The following ZXDA variants were observed in gnomAD, a reference collection of about 807,000 sequenced individuals.
ZXDA encodes zinc finger X-linked duplicated A, also known as zinc finger X-linked protein ZXDA.
A neutral mutation model predicts 10.1 loss-of-function variants in ZXDA; 5 were observed. The observed-to-expected ratio is 0.50, with a 90% CI of 0.26 to 1.04. The LOEUF (loss-of-function observed/expected upper bound fraction) is 1.04, where lower values mean the gene tolerates loss of function less well. Among genes scored for constraint, ZXDA ranks in the 50% least tolerant of loss-of-function variants. The probability of loss-of-function intolerance (pLI) is 0.14; values close to 1 mark genes in which losing one functional copy is unlikely to be tolerated. For missense variants in ZXDA, 501 were observed against 672.4 expected (o/e 0.75, Z 2.82); for synonymous variants, 266 against 313.1 (o/e 0.85, Z 1.59).
Position 57,909,936 on chromosome X carries a change from G to C in ZXDA, c.485C>G (p.Ala162Gly), listed in dbSNP as rs1414111742. ...CTGGTTGTGGATAGTGACTGTGCCCGCGAAGGCCGCGGCGGGGCCGGGGGC... is the reference window on the plus strand; with the variant it reads ...CTGGTTGTGGATAGTGACTGTGCCCCCGAAGGCCGCGGCGGGGCCGGGGGC... ...ISAPGPAAAFAGTVTIHNQDL... is the reference protein window; with the variant it reads ...ISAPGPAAAFGGTVTIHNQDL... The change falls in exon 1 of 1, where the codon GCG becomes GGG. Residue 162 changes from alanine (A) to glycine (G), a missense_variant. This residue lies in a region of ZXDA where 251 missense variants were observed against 221.6 expected (regional missense o/e 1.13). Coordinates refer to ENST00000358697, the MANE Select transcript of ZXDA (RefSeq NM_007156.5). 4 of 1,175,055 alleles carry C rather than the reference G, an allele frequency of 3.4e-6. No homozygotes were observed. Among genetic ancestry groups the C allele is most frequent in the Middle Eastern group, 6.6e-4 (2 of 3,013 alleles).
In ZXDA at chrX:57,908,569, A is replaced by ATGCAGCAGAAGTACTGTCAGG; in HGVS notation, c.1831_1851dup (p.Pro611_Ala617dup). The stretch of plus-strand genomic sequence containing the variant: ...GAGTTCACCAATGCTGTGTCCAGCA[A>ATGCAGCAGAAGTACTGTCAGG]TGCAGCAGAAGTACTGTCAGGTACA... On this transcript the variant is annotated inframe_insertion, in exon 1 of 1. Coordinates refer to ENST00000358697, the MANE Select transcript of ZXDA (RefSeq NM_007156.5). 2 of 1,173,733 alleles carry ATGCAGCAGAAGTACTGTCAGG rather than the reference A, an allele frequency of 1.7e-6. No individual in the cohort carries two copies. Among genetic ancestry groups the ATGCAGCAGAAGTACTGTCAGG allele is most frequent in the Non-Finnish European group, 1.2e-6 (1 of 867,410 alleles).
Position 57,906,991 on chromosome X carries a change from T to A in ZXDA, c.*1030A>T, listed in dbSNP as rs1392775637. 2 of 112,452 alleles carry A rather than the reference T, an allele frequency of 1.8e-5. No homozygotes were observed. The highest frequency in any genetic ancestry group is 3.8e-5 in the Non-Finnish European group (2 of 53,233). 9.3% of individuals were successfully genotyped at this position (112,452 alleles called of 1,213,427 possible). On this transcript the variant is annotated 3_prime_UTR_variant, in exon 1 of 1. Coordinates refer to ENST00000358697, the MANE Select transcript of ZXDA (RefSeq NM_007156.5). ...TTGGAAGAATAGGCTGAATACTCAT[T>A]GCATGAGCTGGCTTTGAATGCAGAC... is the stretch of plus-strand genomic sequence containing the variant.
At position 57,906,308 on chromosome X, in the gene ZXDA, T is replaced by G. The variant is rs1603105982; in HGVS notation, c.*1713A>C. On this transcript the variant is annotated 3_prime_UTR_variant, in exon 1 of 1. Coordinates refer to ENST00000358697, the MANE Select transcript of ZXDA (RefSeq NM_007156.5). ...AACTACTTCTCACTAACACCTTATA[T>G]AAAATGTCTCCATTATTATCTGATT... is the stretch of plus-strand genomic sequence containing the variant. Among the ~76,000 whole-genome samples the G allele has an allele frequency of 8.9e-6, 1 of 112,255 alleles. No homozygotes were observed. The highest frequency in any genetic ancestry group is 3.2e-5 in the African/African-American group (1 of 30,906).
Position 57,907,698 on chromosome X carries a change from C to T in ZXDA, c.*323G>A, listed in dbSNP as rs756747540. 1 of 194,526 alleles carries T rather than the reference C, an allele frequency of 5.1e-6. No homozygotes were observed. The highest frequency in any genetic ancestry group is 2.0e-4 in the South Asian group (1 of 4,915). The allele number at this position is 194,526 out of a possible 1,213,427, so 16.0% of individuals were successfully genotyped here. A position where few individuals can be genotyped will look rare whatever the true frequency, so the allele number is the denominator to read the frequency against. On this transcript the variant is annotated 3_prime_UTR_variant, in exon 1 of 1. Coordinates refer to ENST00000358697, the MANE Select transcript of ZXDA (RefSeq NM_007156.5). Reference sequence around the variant, plus strand: ...ACAAACAATAATAATTGCAAAATGCCCGAAAATTTTCAAGAAAAAGCACAA... The same window carrying T: ...ACAAACAATAATAATTGCAAAATGCTCGAAAATTTTCAAGAAAAAGCACAA...
Position 57,906,187 on chromosome X carries a change from C to T in ZXDA, c.*1834G>A, listed in dbSNP as rs978702811. Reference sequence around the variant, plus strand: ...TTAAAGTGCCATAATAATTGTTATCCCCAAGTATCCACATGTAAACAATAC... The same window carrying T: ...TTAAAGTGCCATAATAATTGTTATCTCCAAGTATCCACATGTAAACAATAC... On this transcript the variant is annotated 3_prime_UTR_variant, in exon 1 of 1. Coordinates refer to ENST00000358697, the MANE Select transcript of ZXDA (RefSeq NM_007156.5). Among the ~76,000 whole-genome samples, 11 of 111,367 alleles carry T rather than the reference C, an allele frequency of 9.9e-5. No homozygotes were observed. Among genetic ancestry groups the T allele is most frequent in the African/African-American group, 3.3e-4 (10 of 30,612 alleles).
rs900793494 is a variant in ZXDA at position 57,907,123 on chromosome X, T to C, written c.*898A>G. On this transcript the variant is annotated 3_prime_UTR_variant, in exon 1 of 1. Coordinates refer to ENST00000358697, the MANE Select transcript of ZXDA (RefSeq NM_007156.5). ...GAAGAAATAACTTCCTTTTCCTCTTTCTTAACCTTCACAAATGTTTATTTC... is the reference window on the plus strand; with the variant it reads ...GAAGAAATAACTTCCTTTTCCTCTTCCTTAACCTTCACAAATGTTTATTTC... The C allele has an allele frequency of 1.8e-5, 2 of 113,121 alleles. No individual in the cohort carries two copies. The highest frequency in any genetic ancestry group is 3.2e-5 in the African/African-American group (1 of 31,039). 9.3% of individuals were successfully genotyped at this position (113,121 alleles called of 1,213,427 possible).
In ZXDA at chrX:57,907,756, G is replaced by C. The variant is rs777197973; in HGVS notation, c.*265C>G. 3.4e-5 allele frequency: 10 copies of C among 292,954 alleles called. No homozygotes were observed. The highest frequency in any genetic ancestry group is 4.3e-5 in the Non-Finnish European group (7 of 164,502). The allele number at this position is 292,954 out of a possible 1,213,427, so 24.1% of individuals were successfully genotyped here. A position where few individuals can be genotyped will look rare whatever the true frequency, so the allele number is the denominator to read the frequency against. On this transcript the variant is annotated 3_prime_UTR_variant, in exon 1 of 1. Coordinates refer to ENST00000358697, the MANE Select transcript of ZXDA (RefSeq NM_007156.5). ...AAACAAAACAAAACAAAACTGAAAA[G>C]ACCTTATGAGCAATGTGTTCAAACC...
chrX:57,910,193 C>G lies in ZXDA; in HGVS notation c.228G>C (p.Pro76=). The G allele has an allele frequency of 8.3e-7, 1 of 1,199,907 alleles. No homozygotes were observed. The stretch of plus-strand genomic sequence containing the variant: ...CGCCGCCGCTAGGTTGATGGGGCCT[C>G]GGCGCGAACAGGCTTGGGCCAGGGC... ...SRGPGPSLFA[P]RPHQPSGGGD... Residue 76 remains proline (P), a synonymous_variant, in exon 1 of 1, where the codon CCG becomes CCC. Coordinates refer to ENST00000358697, the MANE Select transcript of ZXDA (RefSeq NM_007156.5).
Position 57,909,197 on chromosome X carries a change from G to C in ZXDA, c.1224C>G (p.Ser408=), listed in dbSNP as rs770500127. The part of the protein sequence containing the change: ...KTFITVSALF[S]HNRAHFREQE... ...GTTCCCTGAAATGGGCGCGGTTATG[G>C]GAAAACAGAGCACTCACTGTGATAA... The change falls in exon 1 of 1, where the codon TCC becomes TCG. Residue 408 remains serine, a synonymous_variant. Transcript: ENST00000358697. The C allele has an allele frequency of 1.3e-5, 16 of 1,211,771 alleles. No individual in the cohort carries two copies. The highest frequency in any genetic ancestry group is 1.8e-5 in the Non-Finnish European group (16 of 895,496).
At position 57,909,408 on chromosome X, in the gene ZXDA, C is replaced by A. The variant is rs1224488998; in HGVS notation, c.1013G>T (p.Gly338Val). 8.3e-7 allele frequency: 1 copy of A among 1,211,892 alleles called. No homozygotes were observed. Among genetic ancestry groups the A allele is most frequent in the East Asian group, 3.0e-5 (1 of 33,782 alleles). The change falls in exon 1 of 1, where the codon GGC becomes GTC. Residue 338 changes from glycine (G) to valine (V), a missense_variant. By Grantham distance (109) the Gly-to-Val change is moderately radical. Coordinates refer to ENST00000358697, the MANE Select transcript of ZXDA (RefSeq NM_007156.5). ...RPFGCPAEGCGKSFTTVYNLK... is the reference protein window; with the variant it reads ...RPFGCPAEGCVKSFTTVYNLK... ...GTTGTACACGGTGGTGAAGCTCTTGCCACAGCCCTCCGCAGGGCAGCCGAA... is the reference window on the plus strand; with the variant it reads ...GTTGTACACGGTGGTGAAGCTCTTGACACAGCCCTCCGCAGGGCAGCCGAA...
chrX:57,910,228 C>T lies in ZXDA; in HGVS notation c.193G>A (p.Ala65Thr). The change falls in exon 1 of 1, where the codon GCA (alanine) becomes ACA (threonine). Residue 65 changes from alanine to threonine, a missense_variant. Around this residue, in one of 5 missense-constraint regions of ZXDA, gnomAD observed 251 missense variants for 221.6 expected, o/e 1.13. Transcript: ENST00000358697. The stretch of plus-strand genomic sequence containing the variant: ...AGGCTTGGGCCAGGGCCCCGTGATG[C>T]CGTGCTGGCCTCCTCGCGCCGCCGC... ...PGRRREEAST[A>T]SRGPGPSLFA... The T allele has an allele frequency of 8.6e-7, 1 of 1,161,527 alleles. No individual in the cohort carries two copies. Among genetic ancestry groups the T allele is most frequent in the South Asian group, 1.9e-5 (1 of 51,735 alleles).
rs1458234798 is a variant in ZXDA, at chrX:57,910,157, G to A, written c.264C>T (p.Phe88=). Residue 88 remains phenylalanine (F), a synonymous_variant, in exon 1 of 1, where the codon TTC becomes TTT. Transcript: ENST00000358697. ...CCACCGGGTCAAGCAGCACCAGGAA[G>A]AAGTCGTCGCCGCCGCCGCTAGGTT... ...PHQPSGGGDD[F]FLVLLDPVGG... is the part of the protein sequence containing the mutation. The A allele has an allele frequency of 8.3e-7, 1 of 1,202,203 alleles. No individual in the cohort carries two copies. Among genetic ancestry groups the A allele is most frequent in the Non-Finnish European group, 1.1e-6 (1 of 893,749 alleles).
Position 57,908,012 on chromosome X carries a change from A to G in ZXDA, c.*9T>C. 8.3e-7 allele frequency: 1 copy of G among 1,198,990 alleles called. No individual in the cohort carries two copies. Among genetic ancestry groups the G allele is most frequent in the African/African-American group, 1.7e-5 (1 of 57,540 alleles). ...GTTAGCCACATGGCAAGGAATGAAT[A>G]GAGTTGCTTCATACCAAAAATGAGC... is the stretch of plus-strand genomic sequence containing the variant. On this transcript the variant is annotated 3_prime_UTR_variant, in exon 1 of 1. Coordinates refer to ENST00000358697, the MANE Select transcript of ZXDA (RefSeq NM_007156.5).
In ZXDA at chrX:57,907,952, A is replaced by G. The variant is rs759682444; in HGVS notation, c.*69T>C. 1,479 of 1,124,985 alleles carry G rather than the reference A, an allele frequency of 1.3e-3. 1 individual carries two copies. The highest frequency in any genetic ancestry group is 1.6e-3 in the Non-Finnish European group (1,337 of 844,665). 92.7% of individuals were successfully genotyped at this position (1,124,985 alleles called of 1,213,427 possible). A position where few individuals can be genotyped will look rare whatever the true frequency, so the allele number is the denominator to read the frequency against. ...AAGAAATGACTGCACTTAAATATTT[A>G]GTCCAGAATATCCTCAAAATTGACT... is the stretch of plus-strand genomic sequence containing the variant. On this transcript the variant is annotated 3_prime_UTR_variant, in exon 1 of 1. Coordinates refer to ENST00000358697, the MANE Select transcript of ZXDA (RefSeq NM_007156.5).
In ZXDA at chrX:57,910,139, G is replaced by T; in HGVS notation, c.282C>A (p.Asp94Glu). 9 of 1,202,665 alleles carry T rather than the reference G, an allele frequency of 7.5e-6. No individual in the cohort carries two copies. The highest frequency in any genetic ancestry group is 8.9e-6 in the Non-Finnish European group (8 of 893,954). The change falls in exon 1 of 1, where the codon GAC becomes GAA. Residue 94 changes from aspartate to glutamate, a missense_variant. Around this residue, in one of 5 missense-constraint regions of ZXDA, gnomAD observed 251 missense variants for 221.6 expected, o/e 1.13. Coordinates refer to ENST00000358697, the MANE Select transcript of ZXDA (RefSeq NM_007156.5). ...CGGTCTCCACGTCGCCACCCACCGG[G>T]TCAAGCAGCACCAGGAAGAAGTCGT... ...GGDDFFLVLL[D>E]PVGGDVETAG... is the part of the protein sequence containing the mutation.
rs1241418913 is a variant in ZXDA at position 57,906,041 on chromosome X, A to G, written c.*1980T>C. Reference sequence around the variant, plus strand: ...GTTAAATGGTTAGACACAAAATTCTATTTCTTTGAATTACAAATTTATGTG... The same window carrying G: ...GTTAAATGGTTAGACACAAAATTCTGTTTCTTTGAATTACAAATTTATGTG... On this transcript the variant is annotated 3_prime_UTR_variant, in exon 1 of 1. Transcript: ENST00000358697. Among the ~76,000 whole-genome samples, 3 of 112,269 alleles carry G rather than the reference A, an allele frequency of 2.7e-5. No individual in the cohort carries two copies. Among genetic ancestry groups the G allele is most frequent in the Non-Finnish European group, 5.6e-5 (3 of 53,190 alleles).
In ZXDA at chrX:57,907,978, G is replaced by A; in HGVS notation, c.*43C>T. ...GTCCAGAATATCCTCAAAATTGACT[G>A]TAATAAAAGTTAGCCACATGGCAAG... is the stretch of plus-strand genomic sequence containing the variant. On this transcript the variant is annotated 3_prime_UTR_variant, in exon 1 of 1. Coordinates refer to ENST00000358697, the MANE Select transcript of ZXDA (RefSeq NM_007156.5). 2 of 1,167,182 alleles carry A rather than the reference G, an allele frequency of 1.7e-6. No individual in the cohort carries two copies. The highest frequency in any genetic ancestry group is 2.3e-6 in the Non-Finnish European group (2 of 874,672).
rs1057329 is a variant in ZXDA at position 57,909,134 on chromosome X, C to T, written c.1287G>A (p.Lys429=). ...LFSCSFPGCS[K]QYDKACRLKI... is the part of the protein sequence containing the mutation. Reference sequence around the variant, plus strand: ...TCAGCCTACAAGCCTTGTCATATTGCTTGCTGCAGCCAGGGAAAGAGCAGG... The same window carrying T: ...TCAGCCTACAAGCCTTGTCATATTGTTTGCTGCAGCCAGGGAAAGAGCAGG... Residue 429 remains lysine, a synonymous_variant, in exon 1 of 1, where the codon AAG becomes AAA. Transcript: ENST00000358697. 4.1e-5 allele frequency: 50 copies of T among 1,210,063 alleles called. No individual in the cohort carries two copies. Among genetic ancestry groups the T allele is most frequent in the Middle Eastern group, 2.3e-4 (1 of 4,373 alleles).
In ZXDA at chrX:57,907,842, A is replaced by T. The variant is rs1249714302; in HGVS notation, c.*179T>A. On this transcript the variant is annotated 3_prime_UTR_variant, in exon 1 of 1. Coordinates refer to ENST00000358697, the MANE Select transcript of ZXDA (RefSeq NM_007156.5). ...TAGGTTAAGTGACTTGCTGAGGGTC[A>T]CACAACTTGTCAGTTCCAGACTCAA... 1.0e-4 allele frequency: 55 copies of T among 546,379 alleles called. No homozygotes were observed. Among genetic ancestry groups the T allele is most frequent in the Non-Finnish European group, 1.4e-4 (50 of 350,770 alleles). 45.0% of individuals were successfully genotyped at this position (546,379 alleles called of 1,213,427 possible).
Sources: allele counts gnomAD v4.1 joint callset (sites outside exome capture counted in the v4.1 genomes callset), GRCh38; gene constraint gnomAD v4.1.1; regional missense constraint gnomAD v4.1.1; transcripts MANE v1.5; gene names NCBI Gene and HGNC (gene_info 2026-07-23, HGNC 2026-07-21).